Variants in ALX4 observed in about 807,000 individuals in gnomAD.
ALX4 encodes homeobox protein aristaless-like 4.
A neutral mutation model predicts 40.6 loss-of-function variants in ALX4; 22 were observed. That is an observed-to-expected ratio of 0.54 (90% CI 0.39 to 0.77). The LOEUF is 0.77. Among genes scored for constraint, ALX4 ranks in the 30% least tolerant of loss-of-function variants. ALX4 has a pLI of 0.00. For missense variants in ALX4, 556 were observed against 564.8 expected (o/e 0.98, Z 0.16); for synonymous variants, 266 against 240.5 (o/e 1.11, Z -0.98).
chr11:44,294,685 A>G (rs1169431631), intron 1 of ALX4, among the ~76,000 whole-genome samples: 5 of 152,042 alleles, frequency 3.3e-5, no homozygotes, highest in Non-Finnish European at 7.3e-5. Flanking sequence ...TTCCAACTCT[A>G]TGCATCCCAG....
At chr11:44,271,127 G>A (rs1590688875) in intron 2 of ALX4, among the ~76,000 whole-genome samples, 2 of 142,160 alleles carry the variant, frequency 1.4e-5, no homozygotes, top group South Asian at 4.8e-4. Context: ...CACAGCAGAG[G>A]CAGGCAGGGG....
chr11:44,264,731 G>A lies in ALX4; in HGVS notation c.*123C>T. The A allele has an allele frequency of 3.5e-6, 4 of 1,142,888 alleles. No individual in the cohort carries two copies. Among genetic ancestry groups the A allele is most frequent in the South Asian group, 3.0e-5 (2 of 66,300 alleles). 70.8% of individuals were successfully genotyped at this position (1,142,888 alleles called of 1,614,324 possible). A position where few individuals can be genotyped will look rare whatever the true frequency, so the allele number is the denominator to read the frequency against. ...CAGACTTGGGGCGGCTGAAAGTGCTGAGGGTCAGGCCCCTGGCCCAGGCCA... is the reference window on the plus strand; with the variant it reads ...CAGACTTGGGGCGGCTGAAAGTGCTAAGGGTCAGGCCCCTGGCCCAGGCCA... On this transcript the variant is annotated 3_prime_UTR_variant, in exon 4 of 4. Coordinates refer to ENST00000652299, the MANE Select transcript of ALX4 (RefSeq NM_021926.4).
At chr11:44,284,933 A>G (rs1380510459) in intron 1 of ALX4, among the ~76,000 whole-genome samples, 1 of 152,088 alleles carries the variant, frequency 6.6e-6, no homozygotes, top group East Asian at 1.9e-4. Context: ...ACACACACAC[A>G]AACACACACA....
At chr11:44,298,035 G>C (rs548108535) in intron 1 of ALX4, among the ~76,000 whole-genome samples, 1 of 152,310 alleles carries the variant, frequency 6.6e-6, no homozygotes, top group African/African-American at 2.4e-5. Flanking sequence ...GGCTCTCTGA[G>C]GGCAGGAGCC....
chr11:44,298,138 C>T (rs111778893), intron 1 of ALX4, among the ~76,000 whole-genome samples: 39 of 152,320 alleles, frequency 2.6e-4, no homozygotes, highest in African/African-American at 8.2e-4. Context: ...TTTTGCCAGG[C>T]GCACACTCCT....
chr11:44,266,860 G>A (rs1182114737), intron 3 of ALX4, among the ~76,000 whole-genome samples: 2 of 152,152 alleles, frequency 1.3e-5, no homozygotes, highest in Non-Finnish European at 2.9e-5. Context: ...GGGGAGGGGA[G>A]GACAGGGCCC....
chr11:44,299,658 C>A (rs572870616), intron 1 of ALX4, among the ~76,000 whole-genome samples: 1 of 152,272 alleles, frequency 6.6e-6, no homozygotes, highest in East Asian at 1.9e-4. Flanking sequence ...CTGCACCGTG[C>A]CCTGGGGGCC....
In ALX4 at chr11:44,262,856, G is replaced by GTCAT. The variant is rs973714388; in HGVS notation, c.*1994_*1997dup. The GTCAT allele has an allele frequency of 2.0e-5, 3 of 152,180 alleles. No individual in the cohort carries two copies. The highest frequency in any genetic ancestry group is 7.2e-5 in the African/African-American group (3 of 41,428). The allele number at this position is 152,180 out of a possible 1,614,324, so 9.4% of individuals were successfully genotyped here. A position where few individuals can be genotyped will look rare whatever the true frequency, so the allele number is the denominator to read the frequency against. On this transcript the variant is annotated 3_prime_UTR_variant, in exon 4 of 4. Coordinates refer to ENST00000652299, the MANE Select transcript of ALX4 (RefSeq NM_021926.4). The stretch of plus-strand genomic sequence containing the variant: ...CTGGCTAGATTTTGGGGGAGTCTGG[G>GTCAT]TCATTTCAGCGAACCTCAGAACTAG...
chr11:44,305,916 A>G (rs559277736), intron 1 of ALX4, among the ~76,000 whole-genome samples: 8 of 152,232 alleles, frequency 5.3e-5, no homozygotes, highest in Non-Finnish European at 1.2e-4. Context: ...GTAGACTAGG[A>G]CCAGTACGCG....
chr11:44,293,172 C>G (rs12786442), intron 1 of ALX4, among the ~76,000 whole-genome samples: 518 of 4,458 alleles, frequency 0.12, 74 homozygotes, highest in Middle Eastern at 0.67. Flanking sequence ...AGGAAGGAAG[C>G]AGGCAGGCAG....
Position 44,260,871 on chromosome 11 carries a change from C to T in ALX4, c.*3983G>A, listed in dbSNP as rs1956178526. 6.6e-6 allele frequency: 1 copy of T among 152,030 alleles called. No individual in the cohort carries two copies. The highest frequency in any genetic ancestry group is 2.4e-5 in the African/African-American group (1 of 41,374). 9.4% of individuals were successfully genotyped at this position (152,030 alleles called of 1,614,324 possible). On this transcript the variant is annotated 3_prime_UTR_variant, in exon 4 of 4. Coordinates refer to ENST00000652299, the MANE Select transcript of ALX4 (RefSeq NM_021926.4). ...ATAAGTAACGGTTGAGGTTCATGTT[C>T]CTTCTAGCACTCAGCTTTCTTTTTT...
In ALX4 at chr11:44,262,462, C is replaced by G. The variant is rs967843437; in HGVS notation, c.*2392G>C. Reference sequence around the variant, plus strand: ...TAGCCACAGAGTCTTCTAATAGACGCCTTTTCTTCTCAAGCTTTTGGGTTG... The same window carrying G: ...TAGCCACAGAGTCTTCTAATAGACGGCTTTTCTTCTCAAGCTTTTGGGTTG... On this transcript the variant is annotated 3_prime_UTR_variant, in exon 4 of 4. Transcript: ENST00000652299. The G allele has an allele frequency of 2.0e-5, 3 of 152,268 alleles. No homozygotes were observed. Among genetic ancestry groups the G allele is most frequent in the African/African-American group, 7.2e-5 (3 of 41,446 alleles). The allele number at this position is 152,268 out of a possible 1,614,324, so 9.4% of individuals were successfully genotyped here.
chr11:44,278,061 A>T (rs1389592556), intron 1 of ALX4, among the ~76,000 whole-genome samples: 1 of 148,424 alleles, frequency 6.7e-6, no homozygotes, highest in Non-Finnish European at 1.5e-5. Context: ...AAAAATAACC[A>T]TCCCTGTTTT....
At chr11:44,308,616 A>ACGT (rs1168077173) in intron 1 of ALX4, among the ~76,000 whole-genome samples, 3 of 152,190 alleles carry the variant, frequency 2.0e-5, no homozygotes, top group Non-Finnish European at 4.4e-5. Context: ...CTGGCTAGAG[A>ACGT]CGTCCTTGAG....
At chr11:44,308,390 C>T (rs2119917889) in intron 1 of ALX4, among the ~76,000 whole-genome samples, 1 of 152,384 alleles carries the variant, frequency 6.6e-6, no homozygotes, top group Non-Finnish European at 1.5e-5. Flanking sequence ...GTCCCCAGGC[C>T]TAGTGCCTCT....
At position 44,296,197 on chromosome 11, in the gene ALX4, C is replaced by T. The variant is rs190742871; in HGVS notation, c.466+13400G>A. Among the ~76,000 whole-genome samples, 294 of 152,256 alleles carry T rather than the reference C, an allele frequency of 1.9e-3. 1 individual carries two copies. Among genetic ancestry groups the T allele is most frequent in the Non-Finnish European group, 3.0e-3 (201 of 68,020 alleles). On this transcript the variant is annotated intron_variant, in intron 1 of 3. Transcript: ENST00000652299. Reference sequence around the variant, plus strand: ...TGATTTTCAACAAAGGTCCCAAGACCGGTCGATGAGAAAAGGGCCATCTTT... The same window carrying T: ...TGATTTTCAACAAAGGTCCCAAGACTGGTCGATGAGAAAAGGGCCATCTTT...
chr11:44,287,400 G>A (rs549261417), intron 1 of ALX4, among the ~76,000 whole-genome samples: 33 of 151,988 alleles, frequency 2.2e-4, no homozygotes, highest in African/African-American at 7.0e-4. Flanking sequence ...CTTTACAACC[G>A]CCAGGTTTCC....
In ALX4 at chr11:44,263,781, C is replaced by T. The variant is rs1484950879; in HGVS notation, c.*1073G>A. 6.6e-6 allele frequency: 1 copy of T among 152,412 alleles called. No homozygotes were observed. Among genetic ancestry groups the T allele is most frequent in the Non-Finnish European group, 1.5e-5 (1 of 68,176 alleles). 9.4% of individuals were successfully genotyped at this position (152,412 alleles called of 1,614,324 possible). A position where few individuals can be genotyped will look rare whatever the true frequency, so the allele number is the denominator to read the frequency against. ...AGCTTTTGACCCTCTGCCACCCGGC[C>T]CCCAAGCTCTAGCTTATGTGTTCCG... On this transcript the variant is annotated 3_prime_UTR_variant, in exon 4 of 4. Transcript: ENST00000652299.
intron 3 of ALX4, among the ~76,000 whole-genome samples, chr11:44,266,219 CT>C (rs1317239378): frequency 1.5e-4 from 23 of 152,022 alleles, no homozygotes; most frequent in African/African-American, 5.6e-4. Flanking sequence ...CTATGTGGTG[CT>C]GTAGGTGAGG....
Sources: gnomAD v4.1 joint callset for allele counts (sites outside exome capture counted in the v4.1 genomes callset) on GRCh38, gnomAD v4.1.1 for gene constraint, MANE v1.5 for transcripts, NCBI Gene and HGNC (gene_info 2026-07-23, HGNC 2026-07-21) for gene names.